The following CFAP44 variants were observed in gnomAD, a reference collection of about 807,000 sequenced individuals.
CFAP44 encodes the protein cilia- and flagella-associated protein 44.
A neutral mutation model predicts 216.2 loss-of-function variants in CFAP44; 134 were observed. The ratio of observed to expected loss-of-function variants is 0.62; its 90% CI spans 0.54 to 0.72. CFAP44 has a LOEUF of 0.72. CFAP44 is among the 30% of genes least tolerant of loss of function. The probability of loss-of-function intolerance (pLI) is 0.00; values close to 1 mark genes in which losing one functional copy is unlikely to be tolerated. For synonymous variants in CFAP44, 700 were observed against 727.6 expected (o/e 0.96, Z 0.61); for missense variants, 2,035 against 2,182.1 (o/e 0.93, Z 1.34).
At chr3:113,323,591 TGAA>T in intron 28 of CFAP44, among the ~76,000 whole-genome samples, 1 of 152,134 alleles carries the variant, frequency 6.6e-6, no homozygotes, top group Middle Eastern at 3.2e-3. Flanking sequence ...AAATAAAAGC[TGAA>T]TTTTTTTTTA....
intron 25 of CFAP44, among the ~76,000 whole-genome samples, chr3:113,331,080 C>A (rs1055327825): frequency 3.3e-5 from 5 of 152,166 alleles, no homozygotes; most frequent in African/African-American, 1.2e-4. Flanking sequence ...GACTTAGACT[C>A]ACTTAGGGCT....
intron 24 of CFAP44, 74 bp downstream of exon 24, chr3:113,341,670 T>TA: frequency 1.5e-6 from 2 of 1,303,036 alleles, no homozygotes; most frequent in South Asian, 4.0e-5. Context: ...TCAATAAATA[T>TA]AAAGATTTTT....
At chr3:113,373,642 GA>G in intron 17 of CFAP44, 86 bp from the exon 18 acceptor site, 1 of 1,191,752 alleles carries the variant, frequency 8.4e-7, no homozygotes, top group South Asian at 2.6e-5. Flanking sequence ...TTTCAAATTT[GA>G]AAACATAAAA....
At position 113,328,528 on chromosome 3, in the gene CFAP44, G is replaced by A. The variant is rs145575983; in HGVS notation, c.4117-709C>T. On this transcript the variant is annotated intron_variant, in intron 26 of 34. Transcript: ENST00000393845. Reference sequence around the variant, plus strand: ...AAGGGCTGATTCTCCTGAGGAAACTGGAACAATAGGAAGAGACAAACCATT... The same window carrying A: ...AAGGGCTGATTCTCCTGAGGAAACTAGAACAATAGGAAGAGACAAACCATT... Among the ~76,000 whole-genome samples the A allele has an allele frequency of 1.9e-3, 281 of 151,246 alleles. 2 individuals carry two copies. The highest frequency in any genetic ancestry group is 5.6e-3 in the African/African-American group (229 of 41,224).
intron 24 of CFAP44, among the ~76,000 whole-genome samples, chr3:113,340,697 G>T (rs1270492090): frequency 6.6e-6 from 1 of 152,202 alleles, no homozygotes; most frequent in Non-Finnish European, 1.5e-5. Context: ...GCCCCAATGG[G>T]CGTGTCTTAC....
In CFAP44 at chr3:113,396,541, C is replaced by T. The variant is rs755136363; in HGVS notation, c.1756G>A (p.Asp586Asn). ...ACVTALAYER[D>N]GEILATGSKD... is the part of the protein sequence containing the mutation. ...ACCCCTGTGGCTAGAATTTCCCCAT[C>T]ACGTTCATAAGCTAAAGCAGTGACA... The change falls in exon 14 of 35, where the codon GAT becomes AAT. Residue 586 changes from aspartate to asparagine, a missense_variant. Asp to Asn is a conservative substitution (Grantham distance 23, BLOSUM62 1). Coordinates refer to ENST00000393845, the MANE Select transcript of CFAP44 (RefSeq NM_001164496.2). 25 of 1,614,076 alleles carry T rather than the reference C, an allele frequency of 1.5e-5. No homozygotes were observed. Among genetic ancestry groups the T allele is most frequent in the Non-Finnish European group, 1.9e-5 (23 of 1,179,994 alleles).
Position 113,379,411 on chromosome 3 carries a change from C to G in CFAP44, c.2193G>C (p.Glu731Asp). Residue 731 changes from glutamate (E) to aspartate (D), a missense_variant, in exon 17 of 35, where the codon GAG becomes GAC. Transcript: ENST00000393845. ...GTAATGGCTCTTCTTCCTCCTCCTC[C>G]TCCTCTTTCTCCTCTTCCTCCTCCT... Reference protein sequence around the residue: ...EFQEEEEEKEEEEEEEEPLPE... With the variant: ...EFQEEEEEKEDEEEEEEPLPE... 1.2e-6 allele frequency: 2 copies of G among 1,611,234 alleles called. No individual in the cohort carries two copies. The highest frequency in any genetic ancestry group is 4.5e-5 in the East Asian group (2 of 44,796).
intron 28 of CFAP44, among the ~76,000 whole-genome samples, chr3:113,318,645 C>A (rs183617341): frequency 1.3e-5 from 2 of 152,004 alleles, no homozygotes; most frequent in Admixed American, 1.3e-4. Flanking sequence ...AAGGACAATG[C>A]AAAAGAAAAA....
At chr3:113,399,846 A>G in intron 13 of CFAP44, 60 bp downstream of exon 13, 1 of 1,120,584 alleles carries the variant, frequency 8.9e-7, no homozygotes, top group Non-Finnish European at 1.2e-6. Flanking sequence ...TCCAGAAAAT[A>G]GCATTGATAT....
intron 6 of CFAP44, among the ~76,000 whole-genome samples, chr3:113,416,073 A>G (rs987311185): frequency 6.6e-6 from 1 of 152,124 alleles, no homozygotes; most frequent in South Asian, 2.1e-4. Flanking sequence ...CAGAATAGTT[A>G]GCTCTTCTTG....
At chr3:113,371,769 C>A (rs569356483) in intron 18 of CFAP44, among the ~76,000 whole-genome samples, 2 of 152,266 alleles carry the variant, frequency 1.3e-5, no homozygotes, top group African/African-American at 4.8e-5. Context: ...GCAAAAGAAA[C>A]TATCATCAGA....
At position 113,287,307 on chromosome 3, in the gene CFAP44, T is replaced by C. The variant is rs1949772790; in HGVS notation, c.*4250A>G. On this transcript the variant is annotated 3_prime_UTR_variant, in exon 35 of 35. Transcript: ENST00000393845. ...TGGATCCGGTGCTACGGGAAACATTTTCCTAAGATGCCCATGAGAACAGAC... is the reference window on the plus strand; with the variant it reads ...TGGATCCGGTGCTACGGGAAACATTCTCCTAAGATGCCCATGAGAACAGAC... 1 of 304,846 alleles carries C rather than the reference T, an allele frequency of 3.3e-6. No homozygotes were observed. The highest frequency in any genetic ancestry group is 4.5e-5 in the Admixed American group (1 of 22,002). The allele number at this position is 304,846 out of a possible 1,614,324, so 18.9% of individuals were successfully genotyped here.
chr3:113,300,269 T>C (rs990583565), intron 32 of CFAP44, among the ~76,000 whole-genome samples: 11 of 152,058 alleles, frequency 7.2e-5, no homozygotes, highest in African/African-American at 1.4e-4. Flanking sequence ...AACAGTTAGA[T>C]AGAATAAATA....
chr3:113,422,175 TA>T (rs887307612), intron 4 of CFAP44, among the ~76,000 whole-genome samples: 1 of 152,166 alleles, frequency 6.6e-6, no homozygotes, highest in Non-Finnish European at 1.5e-5. Flanking sequence ...TAGTGTAGCT[TA>T]AGCAGATAGA....
At chr3:113,294,398 C>T (rs924434130) in intron 34 of CFAP44, 3 of 364,850 alleles carry the variant, frequency 8.2e-6, no homozygotes, top group Admixed American at 4.4e-5. Flanking sequence ...ATAATGGTGT[C>T]GTTATTCATA....
chr3:113,393,782 T>C (rs148923207), intron 15 of CFAP44, among the ~76,000 whole-genome samples: 1 of 152,198 alleles, frequency 6.6e-6, no homozygotes, highest in African/African-American at 2.4e-5. Context: ...CCCAAAGTGC[T>C]GGGATTACAG....
At chr3:113,433,168 C>T (rs57639228) in intron 2 of CFAP44, among the ~76,000 whole-genome samples, 2,808 of 152,110 alleles carry the variant, frequency 0.018, 79 homozygotes, top group African/African-American at 0.064. Flanking sequence ...GTGGCTCATG[C>T]CTGTAATCCC....
At chr3:113,383,337 C>T (rs538926431) in intron 15 of CFAP44, among the ~76,000 whole-genome samples, 5 of 152,260 alleles carry the variant, frequency 3.3e-5, no homozygotes, top group East Asian at 3.9e-4. Context: ...CCTGCTGCAT[C>T]GATGGTGGTC....
chr3:113,353,015 A>G (rs1406230792), intron 22 of CFAP44, among the ~76,000 whole-genome samples: 2 of 152,142 alleles, frequency 1.3e-5, no homozygotes, highest in African/African-American at 2.4e-5. Context: ...GGAAAGCAGG[A>G]GTTAAGGAAA....
Sources: allele counts gnomAD v4.1 joint callset (sites outside exome capture counted in the v4.1 genomes callset), GRCh38; gene constraint gnomAD v4.1.1; transcripts MANE v1.5; gene names NCBI Gene and HGNC (gene_info 2026-07-23, HGNC 2026-07-21).